XPNPEP2: variants seen among roughly 807,000 people sequenced by gnomAD.
XPNPEP2 encodes X-prolyl aminopeptidase 2, also known as xaa-Pro aminopeptidase 2.
A neutral mutation model predicts 59.8 loss-of-function variants in XPNPEP2; 64 were observed. The ratio of observed to expected loss-of-function variants is 1.07; its 90% confidence interval spans 0.87 to 1.32. XPNPEP2 has a LOEUF of 1.32. XPNPEP2 is among the 40% of genes most tolerant of loss of function. The pLI, the probability that XPNPEP2 is intolerant of heterozygous loss-of-function variation, is 0.00. For synonymous variants in XPNPEP2, 235 were observed against 210.0 expected (o/e 1.12, Z -1.03); for missense variants, 575 against 546.8 (o/e 1.05, Z -0.51).
Position 129,762,730 on chromosome X carries a change from G to C in XPNPEP2, c.1700G>C (p.Arg567Pro). 2 of 1,211,868 alleles carry C rather than the reference G, an allele frequency of 1.7e-6. No individual in the cohort carries two copies. The highest frequency in any genetic ancestry group is 1.1e-6 in the Non-Finnish European group (1 of 895,505). Residue 567 changes from arginine (R) to proline (P), a missense_variant, in exon 19 of 21, where the codon CGT (arginine) becomes CCT (proline). Transcript: ENST00000371106. ...TATAAGGATGGAGAATTTGGGATCC[G>C]TCTCGAAGATGTGGCTCTCGTGGTA... ...GYYKDGEFGI[R>P]LEDVALVVEA...
At chrX:129,740,728 T>C (rs1926160201) in intron 1 of XPNPEP2, among the ~76,000 whole-genome samples, 1 of 109,147 alleles carries the variant, frequency 9.2e-6, no homozygotes, top group Non-Finnish European at 1.9e-5. Context: ...TCACCTGAGG[T>C]CAGGAGTTCG....
intron 12 of XPNPEP2, 124 bp downstream of exon 12, chrX:129,754,705 G>T: frequency 1.5e-6 from 1 of 660,489 alleles, no homozygotes; most frequent in Non-Finnish European, 2.3e-6. Flanking sequence ...TGCTGGGTGG[G>T]GGAGGGCTCT....
At chrX:129,755,037 G>A (rs1032670098) in intron 12 of XPNPEP2, among the ~76,000 whole-genome samples, 1 of 111,860 alleles carries the variant, frequency 8.9e-6, no homozygotes, top group Non-Finnish European at 1.9e-5. Flanking sequence ...AGAGAGCTGG[G>A]TTTCTTCACT....
rs1487414586 is a variant in XPNPEP2 at position 129,764,205 on chromosome X, G to T, written c.1740+1435G>T. ...GGCTTTGTTTATGGCATTGTGAGAGGGTGAGTTTTCTTATTTTACCATGAG... is the reference window on the plus strand; with the variant it reads ...GGCTTTGTTTATGGCATTGTGAGAGTGTGAGTTTTCTTATTTTACCATGAG... On this transcript the variant is annotated intron_variant, in intron 19 of 20. Transcript: ENST00000371106. 2.8e-5 allele frequency among the ~76,000 whole-genome samples: 3 copies of T among 106,782 alleles called. No individual in the cohort carries two copies. The East Asian group carries it at 8.9e-4, about 32-fold the overall frequency. 92.7% of individuals were successfully genotyped at this position (106,782 alleles called of 115,157 possible).
intron 19 of XPNPEP2, among the ~76,000 whole-genome samples, chrX:129,765,101 A>G (rs1354869176): frequency 8.9e-6 from 1 of 112,283 alleles, no homozygotes; most frequent in Non-Finnish European, 1.9e-5. Context: ...ATACAAACAA[A>G]ATGGATTCTA....
At chrX:129,752,041 T>G (rs1344425589) in intron 9 of XPNPEP2, 109 bp from the exon 10 acceptor site, 1 of 992,070 alleles carries the variant, frequency 1.0e-6, no homozygotes, top group African/African-American at 1.9e-5. Flanking sequence ...CTTGGCTCCC[T>G]GGGGCTGGCT....
rs755316061 is a variant in XPNPEP2, at chrX:129,746,325, G to A, written c.388G>A (p.Glu130Lys). 2.5e-6 allele frequency: 3 copies of A among 1,208,334 alleles called. No homozygotes were observed. Among genetic ancestry groups the A allele is most frequent in the African/African-American group, 3.5e-5 (2 of 57,275 alleles). The change falls in exon 5 of 21, where the codon GAG becomes AAG. Residue 130 changes from glutamate (E) to lysine (K), a missense_variant. By Grantham distance (56) the Glu-to-Lys change is moderately conservative (BLOSUM62 1). Coordinates refer to ENST00000371106, the MANE Select transcript of XPNPEP2 (RefSeq NM_003399.6). ...QAERQMDCNW[E>K]LHKEVGTTPI... Reference sequence around the variant, plus strand: ...TGAGCGGCAGATGGACTGCAACTGGGAGCTCCATAAGGAAGGTAGAAGGGC... The same window carrying A: ...TGAGCGGCAGATGGACTGCAACTGGAAGCTCCATAAGGAAGGTAGAAGGGC...
intron 11 of XPNPEP2, 73 bp from the exon 12 acceptor site, chrX:129,754,399 C>T (rs1376206170): frequency 1.0e-6 from 1 of 959,708 alleles, no homozygotes; most frequent in Non-Finnish European, 1.4e-6. Flanking sequence ...TATCTGATCT[C>T]CATCATCTTG....
At chrX:129,761,954 C>T in intron 17 of XPNPEP2, 52 bp from the exon 18 acceptor site, 1 of 1,178,584 alleles carries the variant, frequency 8.5e-7, no homozygotes, top group Non-Finnish European at 1.2e-6. Flanking sequence ...TGCTCACTTC[C>T]AAGCTGGTGA....
intron 19 of XPNPEP2, among the ~76,000 whole-genome samples, chrX:129,764,015 C>T (rs1926702295): frequency 9.1e-6 from 1 of 110,080 alleles, no homozygotes; most frequent in South Asian, 3.9e-4. Flanking sequence ...AGAGGAAAAC[C>T]TATATCAATT....
chrX:129,743,862 TG>T (rs1000382321), intron 2 of XPNPEP2, 98 bp from the exon 3 acceptor site: 8 of 758,710 alleles, frequency 1.1e-5, no homozygotes, highest in Non-Finnish European at 1.6e-5. Context: ...CAGGAGAGGC[TG>T]GGGGCTCTTC....
chrX:129,761,025 A>G (rs1926646449), intron 16 of XPNPEP2, 147 bp from the exon 17 acceptor site: 1 of 508,478 alleles, frequency 2.0e-6, no homozygotes, highest in East Asian at 3.7e-5. Context: ...CTCCATCCCA[A>G]CCCAACATCA....
At position 129,769,204 on chromosome X, in the gene XPNPEP2, A is replaced by G. The variant is rs1244263783; in HGVS notation, c.*719A>G. ...TTTCCAAAGTGCAGCCACAGCTACAATGCTGTTAAATCCTCCCACATTCTT... is the reference window on the plus strand; with the variant it reads ...TTTCCAAAGTGCAGCCACAGCTACAGTGCTGTTAAATCCTCCCACATTCTT... On this transcript the variant is annotated 3_prime_UTR_variant, in exon 21 of 21. Coordinates refer to ENST00000371106, the MANE Select transcript of XPNPEP2 (RefSeq NM_003399.6). 8.9e-6 allele frequency: 1 copy of G among 112,475 alleles called. No homozygotes were observed. Among genetic ancestry groups the G allele is most frequent in the Non-Finnish European group, 1.9e-5 (1 of 53,248 alleles). 9.3% of individuals were successfully genotyped at this position (112,475 alleles called of 1,213,427 possible). A position where few individuals can be genotyped will look rare whatever the true frequency, so the allele number is the denominator to read the frequency against.
intron 19 of XPNPEP2, among the ~76,000 whole-genome samples, chrX:129,764,491 A>G (rs1412318575): frequency 9.1e-6 from 1 of 109,342 alleles, no homozygotes; most frequent in Non-Finnish European, 1.9e-5. Flanking sequence ...CCCCATATCT[A>G]CTAAAAATAC....
At chrX:129,756,609 C>A in intron 14 of XPNPEP2, 54 bp downstream of exon 14, 1 of 1,141,190 alleles carries the variant, frequency 8.8e-7, no homozygotes, top group Non-Finnish European at 1.2e-6. Flanking sequence ...ACCTCCTGAG[C>A]CTGCCAAGAG....
At chrX:129,740,373 T>C (rs1447773831) in intron 1 of XPNPEP2, among the ~76,000 whole-genome samples, 3 of 112,576 alleles carry the variant, frequency 2.7e-5, no homozygotes, top group African/African-American at 9.7e-5. Context: ...ATGCCTGTAA[T>C]CCCAGCTCTT....
Position 129,762,690 on chromosome X carries a change from C to T in XPNPEP2, c.1664-4C>T. The T allele has an allele frequency of 8.3e-7, 1 of 1,210,782 alleles. No homozygotes were observed. Among genetic ancestry groups the T allele is most frequent in the Non-Finnish European group, 1.1e-6 (1 of 894,590 alleles). ...AATGCCACCAGCATCTCTGTGTCTC[C>T]CAGAACCTGGTTACTATAAGGATGG... On this transcript the variant is annotated splice_polypyrimidine_tract_variant and splice_region_variant and intron_variant, in intron 18 of 20. Coordinates refer to ENST00000371106, the MANE Select transcript of XPNPEP2 (RefSeq NM_003399.6).
In XPNPEP2 at chrX:129,759,184, G is replaced by C; in HGVS notation, c.1372G>C (p.Gly458Arg). 2.5e-6 allele frequency: 3 copies of C among 1,211,592 alleles called. No individual in the cohort carries two copies. Among genetic ancestry groups the C allele is most frequent in the African/African-American group, 3.5e-5 (2 of 57,725 alleles). Residue 458 changes from glycine to arginine, a missense_variant, in exon 15 of 21, where the codon GGG becomes CGG. Transcript: ENST00000371106. ...GTTGGTTTTCCTTCTCCATAGGGACGGGACCACAGACATCACCAGAACAGT... is the reference window on the plus strand; with the variant it reads ...GTTGGTTTTCCTTCTCCATAGGGACCGGACCACAGACATCACCAGAACAGT... Reference protein sequence around the residue: ...LLDSGGQYWDGTTDITRTVHW... With the variant: ...LLDSGGQYWDRTTDITRTVHW...
At chrX:129,767,233 A>G (rs987223066) in intron 19 of XPNPEP2, among the ~76,000 whole-genome samples, 2 of 111,779 alleles carry the variant, frequency 1.8e-5, no homozygotes, top group Non-Finnish European at 3.8e-5. Context: ...AAAATAAAAT[A>G]ATTGAAATTT....
Sources: gnomAD v4.1 joint callset for allele counts (sites outside exome capture counted in the v4.1 genomes callset) on GRCh38, gnomAD v4.1.1 for gene constraint, MANE v1.5 for transcripts, NCBI Gene and HGNC (gene_info 2026-07-23, HGNC 2026-07-21) for gene names.